TUT1: variants seen among roughly 807,000 people sequenced by gnomAD.
The protein encoded by TUT1 is terminal uridylyl transferase 1, U6 snRNA-specific.
In TUT1, 26 loss-of-function variants were observed where a neutral mutation model predicts 48.8. That is an observed-to-expected ratio of 0.53 (90% confidence interval 0.39 to 0.74). The LOEUF is 0.74. TUT1 is among the 30% of genes least tolerant of loss of function. The probability of loss-of-function intolerance (pLI) is 0.00; values close to 1 mark genes in which losing one functional copy is unlikely to be tolerated. For synonymous variants in TUT1, 470 were observed against 460.8 expected, an observed-to-expected ratio of 1.02 and a Z score of -0.26; for missense variants, 1,065 against 1,114.8, an observed-to-expected ratio of 0.96 and a Z score of 0.64.
Position 62,581,653 on chromosome 11 carries a change from C to G in TUT1, c.322G>C (p.Val108Leu). The change falls in exon 3 of 9, where the codon GTC becomes CTC. Residue 108 changes from valine (V) to leucine (L), a missense_variant. By Grantham distance (32) the Val-to-Leu change is conservative (BLOSUM62 1). Coordinates refer to ENST00000476907, the MANE Select transcript of TUT1 (RefSeq NM_022830.3). The part of the protein sequence containing the change: ...EMGDVGAREA[V>L]LSQSQHSLGG... Reference sequence around the variant, plus strand: ...AGGCTGTGCTGGGACTGTGACAAGACAGCCTCTCGAGCACCCACGTCCCCC... The same window carrying G: ...AGGCTGTGCTGGGACTGTGACAAGAGAGCCTCTCGAGCACCCACGTCCCCC... The G allele has an allele frequency of 6.6e-7, 1 of 1,515,142 alleles. No homozygotes were observed. Among genetic ancestry groups the G allele is most frequent in the Admixed American group, 2.2e-5 (1 of 44,850 alleles). 93.9% of individuals were successfully genotyped at this position (1,515,142 alleles called of 1,614,324 possible). A position where few individuals can be genotyped will look rare whatever the true frequency, so the allele number is the denominator to read the frequency against.
chr11:62,575,850 C>G lies in TUT1; in HGVS notation c.1869G>C (p.Leu623=), dbSNP rs1286677664. ...CCAGTGCTTCCCTGAATACCTGCAC[C>G]AGGGCAGCAGTGAGCTGGGTGAAGG... The part of the protein sequence containing the change: ...LAPFTQLTAA[L]VQVFREALGC... The change falls in exon 9 of 9, where the codon CTG becomes CTC. Residue 623 remains leucine (L), a synonymous_variant. Transcript: ENST00000476907. 1 of 1,614,216 alleles carries G rather than the reference C, an allele frequency of 6.2e-7. No individual in the cohort carries two copies. Among genetic ancestry groups the G allele is most frequent in the South Asian group, 1.1e-5 (1 of 91,088 alleles).
At chr11:62,584,041 G>GT (rs1217279389) in intron 2 of TUT1, among the ~76,000 whole-genome samples, 1 of 151,978 alleles carries the variant, frequency 6.6e-6, no homozygotes, top group African/African-American at 2.4e-5. Flanking sequence ...AGGATAAGGC[G>GT]TTTCTTTTTG....
rs759427777 is a variant in TUT1, at chr11:62,576,989, G to A, written c.1299C>T (p.Ala433=). The change falls in exon 7 of 9, where the codon GCC becomes GCT. Residue 433 remains alanine, a synonymous_variant. Transcript: ENST00000476907. ...GAAAATAGATCACCAGCAAGGTCAGGGCGTAGTTACTGAGAAGGGGGCCAC... is the reference window on the plus strand; with the variant it reads ...GAAAATAGATCACCAGCAAGGTCAGAGCGTAGTTACTGAGAAGGGGGCCAC... ...SGSGPLLSNY[A]LTLLVIYFLQ... is the part of the protein sequence containing the mutation. The A allele has an allele frequency of 6.2e-7, 1 of 1,614,076 alleles. No individual in the cohort carries two copies. The highest frequency in any genetic ancestry group is 8.5e-7 in the Non-Finnish European group (1 of 1,180,024).
At chr11:62,577,790 G>A (rs1434116679) in intron 5 of TUT1, among the ~76,000 whole-genome samples, 3 of 152,104 alleles carry the variant, frequency 2.0e-5, no homozygotes, top group South Asian at 2.1e-4. Flanking sequence ...TCTAGGGCGC[G>A]GTGCCTCACG....
At chr11:62,576,282 T>G in intron 8 of TUT1, 38 bp from the exon 9 acceptor site, 1 of 1,499,020 alleles carries the variant, frequency 6.7e-7, no homozygotes, top group Non-Finnish European at 8.9e-7. Flanking sequence ...GGGGGTCACT[T>G]AGAGGCCAGA....
Position 62,589,160 on chromosome 11 carries a change from A to G in TUT1, c.144T>C (p.Ala48=). 1 of 1,614,254 alleles carries G rather than the reference A, an allele frequency of 6.2e-7. No homozygotes were observed. The highest frequency in any genetic ancestry group is 8.5e-7 in the Non-Finnish European group (1 of 1,180,052). Residue 48 remains alanine (A), a synonymous_variant, in exon 2 of 9, where the codon GCT becomes GCC. Coordinates refer to ENST00000476907, the MANE Select transcript of TUT1 (RefSeq NM_022830.3). ...RKHRHLVELR[A]ARKAQGLRSV... ...TTCGAAGTCCCTGGGCCTTTCTCGC[A>G]GCTCGTAGTTCTACCAGGTGCCGGT...
rs1941708866 is a variant in TUT1 at position 62,575,624 on chromosome 11, T to C, written c.2095A>G (p.Met699Val). ...VEEMVIEVGEMVQDWAMQSPG... is the reference protein window; with the variant it reads ...VEEMVIEVGEVVQDWAMQSPG... ...CTCTGCATGGCCCAGTCCTGCACCA[T>C]CTCTCCAACCTCTATAACCATCTCT... The change falls in exon 9 of 9, where the codon ATG becomes GTG. Residue 699 changes from methionine (M) to valine (V), a missense_variant. Physicochemically the swap from Met to Val is conservative, Grantham distance 21. Coordinates refer to ENST00000476907, the MANE Select transcript of TUT1 (RefSeq NM_022830.3). 1.2e-6 allele frequency: 2 copies of C among 1,614,030 alleles called. No homozygotes were observed. The highest frequency in any genetic ancestry group is 1.1e-5 in the South Asian group (1 of 91,090).
rs754811825 is a variant in TUT1, at chr11:62,581,615, G to C, written c.360C>G (p.Arg120=). The stretch of plus-strand genomic sequence containing the variant: ...TCTGCTCCCGTGGGCGGACACGCAG[G>C]CGATGTCCTCCCAGGCTGTGCTGGG... ...SQSQHSLGGH[R]LRVRPREQKE... The change falls in exon 3 of 9, where the codon CGC becomes CGG. Residue 120 remains arginine (R), a synonymous_variant. Coordinates refer to ENST00000476907, the MANE Select transcript of TUT1 (RefSeq NM_022830.3). 2.5e-6 allele frequency: 4 copies of C among 1,587,288 alleles called. No individual in the cohort carries two copies. The East Asian group carries it at 9.0e-5, about 36-fold the overall frequency.
intron 1 of TUT1, 45 bp downstream of exon 1, chr11:62,591,359 G>A (rs368671218): frequency 2.0e-6 from 3 of 1,503,600 alleles, no homozygotes; most frequent in Admixed American, 2.3e-5. Flanking sequence ...ATCAAAAGAC[G>A]AAAGCCCGCA....
At chr11:62,581,765 G>C in intron 2 of TUT1, 64 bp from the exon 3 acceptor site, 49 of 1,250,820 alleles carry the variant, frequency 3.9e-5, no homozygotes, top group Admixed American at 3.8e-4. Context: ...GAGATCTACA[G>C]TGGATGAGAA....
rs542011593 is a variant in TUT1 at position 62,586,852 on chromosome 11, C to G, written c.273+2179G>C. 4.0e-5 allele frequency among the ~76,000 whole-genome samples: 6 copies of G among 150,780 alleles called. No homozygotes were observed. In the East Asian group the frequency reaches 8.0e-4, roughly 20 times the overall value. ...AATTGCTTGCTGGGATTACAGGCGCCTGCCACCACACCCAGCTAATTTTTG... is the reference window on the plus strand; with the variant it reads ...AATTGCTTGCTGGGATTACAGGCGCGTGCCACCACACCCAGCTAATTTTTG... On this transcript the variant is annotated intron_variant, in intron 2 of 8. Transcript: ENST00000476907.
intron 2 of TUT1, among the ~76,000 whole-genome samples, chr11:62,584,481 A>C (rs1327362117): frequency 7.2e-6 from 1 of 139,248 alleles, no homozygotes; most frequent in Admixed American, 7.8e-5. Flanking sequence ...TCGTTCTGTC[A>C]CCCAGGCTGG....
At position 62,582,886 on chromosome 11, in the gene TUT1, T is replaced by C. The variant is rs138667591; in HGVS notation, c.274-1185A>G. Reference sequence around the variant, plus strand: ...GCTCACGCCTGTAATCCCAGCACTTTAGGAGGCCGAGGTGGGTGGATCACG... The same window carrying C: ...GCTCACGCCTGTAATCCCAGCACTTCAGGAGGCCGAGGTGGGTGGATCACG... On this transcript the variant is annotated intron_variant, in intron 2 of 8. Transcript: ENST00000476907. Among the ~76,000 whole-genome samples the C allele has an allele frequency of 3.4e-3, 514 of 152,224 alleles. 14 individuals carry two copies. In the East Asian group the frequency reaches 0.046, roughly 14 times the overall value.
Position 62,575,351 on chromosome 11 carries a change from T to TG in TUT1, c.2367dup (p.Lys790GlnfsTer18). 1 of 1,613,978 alleles carries TG rather than the reference T, an allele frequency of 6.2e-7. No homozygotes were observed. The highest frequency in any genetic ancestry group is 1.1e-5 in the South Asian group (1 of 91,088). On this transcript the variant is annotated frameshift_variant, in exon 9 of 9. Transcript: ENST00000476907. LOFTEE classifies it low-confidence loss of function (END_TRUNC). ...CCAGCGCCACCTCCAGCTCCCTCCT[T>TG]GGTTTGCTGCTGCAAGCGTCTACGG...
In TUT1 at chr11:62,575,612, A is replaced by C. The variant is rs142880507; in HGVS notation, c.2107T>G (p.Trp703Gly). The C allele has an allele frequency of 1.3e-4, 209 of 1,614,042 alleles. No individual in the cohort carries two copies. The highest frequency in any genetic ancestry group is 1.6e-4 in the Non-Finnish European group (194 of 1,180,034). Residue 703 changes from tryptophan (W) to glycine (G), a missense_variant, in exon 9 of 9, where the codon TGG (tryptophan) becomes GGG (glycine). Trp to Gly is a radical substitution (Grantham distance 184). Transcript: ENST00000476907. ...VIEVGEMVQD[W>G]AMQSPGQPGD... ...GGCTGCCCAGGGCTCTGCATGGCCC[A>C]GTCCTGCACCATCTCTCCAACCTCT...
intron 4 of TUT1, among the ~76,000 whole-genome samples, chr11:62,580,408 C>T (rs967454049): frequency 2.7e-5 from 4 of 150,760 alleles, no homozygotes; most frequent in African/African-American, 7.3e-5. Flanking sequence ...TGCAGTGAGC[C>T]GAGATCACAG....
intron 8 of TUT1, chr11:62,576,448 C>A (rs1471322971): frequency 6.3e-6 from 5 of 787,810 alleles, no homozygotes; most frequent in Non-Finnish European, 9.9e-6. Context: ...TGCCCAGATG[C>A]TGCTGCTCCT....
chr11:62,579,170 C>CTTT, intron 4 of TUT1, 140 bp from the exon 5 acceptor site: 1 of 424,702 alleles, frequency 2.4e-6, no homozygotes, highest in Non-Finnish European at 3.7e-6. Context: ...CACAGGAACC[C>CTTT]TTTTTTTTTT....
At chr11:62,583,925 A>G (rs760556004) in intron 2 of TUT1, among the ~76,000 whole-genome samples, 5 of 152,186 alleles carry the variant, frequency 3.3e-5, no homozygotes, top group Non-Finnish European at 5.9e-5. Context: ...CATGCAAAAC[A>G]ATGATGTTGA....
Sources: allele counts gnomAD v4.1 joint callset (sites outside exome capture counted in the v4.1 genomes callset), GRCh38; gene constraint gnomAD v4.1.1; transcripts MANE v1.5; gene names NCBI Gene and HGNC (gene_info 2026-07-23, HGNC 2026-07-21).